The following TP53BP1 variants were observed in gnomAD, a reference collection of about 807,000 sequenced individuals.
The protein encoded by TP53BP1 is tumor protein p53 binding protein 1.
Under a neutral mutation model 200.8 loss-of-function variants are expected in TP53BP1, and 61 were observed. That is an observed-to-expected ratio of 0.30 (90% confidence interval 0.25 to 0.38). The LOEUF is 0.38. TP53BP1 is among the 10% of genes least tolerant of loss of function. The pLI is 1.00. For missense variants in TP53BP1, 2,144 were observed against 2,371.9 expected, an observed-to-expected ratio of 0.90 and a Z score of 2.00; for synonymous variants, 822 against 844.3, an observed-to-expected ratio of 0.97 and a Z score of 0.46.
chr15:43,490,252 G>A (rs994448449), intron 4 of TP53BP1, among the ~76,000 whole-genome samples: 1 of 152,012 alleles, frequency 6.6e-6, no homozygotes, highest in South Asian at 2.1e-4. Context: ...ACCACACCTC[G>A]TTAATTTTTG....
At chr15:43,496,693 C>T (rs186871230), upstream of TP53BP1, among the ~76,000 whole-genome samples, 1 of 151,152 alleles carries the variant, frequency 6.6e-6, no homozygotes, top group South Asian at 2.1e-4. Context: ...GTGTGATCTC[C>T]GCTTACGGCA....
chr15:43,450,802 T>C (rs569374952), intron 12 of TP53BP1, among the ~76,000 whole-genome samples: 1 of 152,216 alleles, frequency 6.6e-6, no homozygotes, highest in Admixed American at 6.5e-5. Flanking sequence ...ACTCCCTCTC[T>C]CCCCACACCC....
intron 1 of TP53BP1, among the ~76,000 whole-genome samples, chr15:43,503,205 A>G (rs1199250615): frequency 6.6e-6 from 1 of 152,286 alleles, no homozygotes; most frequent in East Asian, 1.9e-4. Flanking sequence ...AATCAAATAT[A>G]GAACATATCA....
At chr15:43,489,299 T>C (rs893410888) in intron 4 of TP53BP1, among the ~76,000 whole-genome samples, 1 of 152,202 alleles carries the variant, frequency 6.6e-6, no homozygotes, top group East Asian at 1.9e-4. Flanking sequence ...TTATTTAACA[T>C]GAAAAGAAGT....
intron 12 of TP53BP1, among the ~76,000 whole-genome samples, chr15:43,449,828 C>G (rs748761009): frequency 6.6e-6 from 1 of 152,200 alleles, no homozygotes; most frequent in Non-Finnish European, 1.5e-5. Flanking sequence ...CAGCCTATAT[C>G]TCCAGTTTTT....
intron 24 of TP53BP1, chr15:43,412,748 A>G: frequency 2.1e-6 from 1 of 472,740 alleles, no homozygotes; most frequent in Non-Finnish European, 4.4e-6. Flanking sequence ...GACCTGATTG[A>G]CTTGGATGGT....
chr15:43,415,365 C>A, intron 23 of TP53BP1: 2 of 635,402 alleles, frequency 3.1e-6, no homozygotes, highest in Non-Finnish European at 5.8e-6. Context: ...CCCGCCACCA[C>A]ACTCAGCTAA....
chr15:43,481,106 A>G (rs1595613415), intron 4 of TP53BP1, 84 bp from the exon 5 acceptor site: 1 of 1,526,852 alleles, frequency 6.5e-7, no homozygotes, highest in East Asian at 2.3e-5. Context: ...AACACATACC[A>G]ACCATCTCTT....
At position 43,446,475 on chromosome 15, in the gene TP53BP1, T is replaced by TG; in HGVS notation, c.2951dup (p.Asp985ArgfsTer4). ...TTAGACATAATTTATCATCCACGTC[T>TG]GGGGCAGCCCCAGAATCCCCTTTTC... On this transcript the variant is annotated frameshift_variant, in exon 14 of 28. Transcript: ENST00000382044. 6.2e-7 allele frequency: 1 copy of TG among 1,614,212 alleles called. No homozygotes were observed. The highest frequency in any genetic ancestry group is 8.5e-7 in the Non-Finnish European group (1 of 1,180,038).
At chr15:43,477,901 G>A in intron 7 of TP53BP1, 142 bp from the exon 8 acceptor site, 1 of 604,252 alleles carries the variant, frequency 1.7e-6, no homozygotes, top group Non-Finnish European at 2.7e-6. Flanking sequence ...TATTAAAAAG[G>A]AAATAAACTA....
chr15:43,469,190 C>A (rs1018810234), intron 11 of TP53BP1, among the ~76,000 whole-genome samples: 2 of 152,026 alleles, frequency 1.3e-5, no homozygotes, highest in African/African-American at 4.8e-5. Context: ...AATTTCATTT[C>A]TTTAAATATT....
chr15:43,456,458 C>A lies in TP53BP1; in HGVS notation c.2150G>T (p.Cys717Phe). 1.3e-6 allele frequency: 2 copies of A among 1,568,120 alleles called. No individual in the cohort carries two copies. Among genetic ancestry groups the A allele is most frequent in the Non-Finnish European group, 1.7e-6 (2 of 1,162,372 alleles). The stretch of plus-strand genomic sequence containing the variant: ...GGTTTCAACTTCCATAGCTTCTGAG[C>A]ATTCTTTTTTTGGCATTTCCTTTTG... The part of the protein sequence containing the change: ...CLQKEMPKKE[C>F]SEAMEVETSV... Residue 717 changes from cysteine to phenylalanine, a missense_variant, in exon 12 of 28, where the codon TGC becomes TTC. This residue lies in a region of TP53BP1 where 1,700 missense variants were observed against 1,710.3 expected (regional missense o/e 0.99). Transcript: ENST00000382044.
At chr15:43,427,970 AAAAG>A (rs768893730) in intron 18 of TP53BP1, 42 bp downstream of exon 18, 69 of 1,407,182 alleles carry the variant, frequency 4.9e-5, no homozygotes, top group Admixed American at 2.7e-4. Context: ...AAAAAAAAAA[AAAAG>A]AAAGAAAGAA....
At chr15:43,431,963 A>G (rs1247919140) in intron 17 of TP53BP1, among the ~76,000 whole-genome samples, 1 of 152,216 alleles carries the variant, frequency 6.6e-6, no homozygotes, top group Non-Finnish European at 1.5e-5. Flanking sequence ...AGACCTACCT[A>G]AAAAACTGTA....
chr15:43,440,997 C>T (rs1199340731), intron 15 of TP53BP1, among the ~76,000 whole-genome samples: 1 of 152,196 alleles, frequency 6.6e-6, no homozygotes, highest in African/African-American at 2.4e-5. Flanking sequence ...ATTCTCACAG[C>T]CACCAGATGG....
At chr15:43,422,856 G>C (rs542559513) in intron 18 of TP53BP1, among the ~76,000 whole-genome samples, 28 of 151,788 alleles carry the variant, frequency 1.8e-4, no homozygotes, top group Admixed American at 3.9e-4. Flanking sequence ...TTAGCCAGGC[G>C]TGGGAGTGCA....
At position 43,405,196 on chromosome 15, in the gene TP53BP1, T is replaced by G. The variant is rs987872971; in HGVS notation, c.*2187A>C. The G allele has an allele frequency of 6.2e-7, 1 of 1,614,024 alleles. No individual in the cohort carries two copies. Among genetic ancestry groups the G allele is most frequent in the Admixed American group, 1.7e-5 (1 of 60,004 alleles). On this transcript the variant is annotated 3_prime_UTR_variant, in exon 28 of 28. Transcript: ENST00000382044. ...CACTTAATAAGGCTCTTTTTCTCTT[T>G]TGTAGTTTCGGGATGTGAAAATTTC...
chr15:43,482,178 G>A (rs537783146), intron 4 of TP53BP1, among the ~76,000 whole-genome samples: 2 of 151,960 alleles, frequency 1.3e-5, no homozygotes, highest in South Asian at 2.1e-4. Context: ...GCAGTGAGCC[G>A]AGATCGCGCC....
At chr15:43,507,404 G>A in intron 1 of TP53BP1, among the ~76,000 whole-genome samples, 1 of 152,128 alleles carries the variant, frequency 6.6e-6, no homozygotes, top group East Asian at 1.9e-4. Flanking sequence ...CAAAGTGTTG[G>A]GATTACAGGC....
Sources: allele counts gnomAD v4.1 joint callset (sites outside exome capture counted in the v4.1 genomes callset), GRCh38; gene constraint gnomAD v4.1.1; regional missense constraint gnomAD v4.1.1; transcripts MANE v1.5; gene names NCBI Gene and HGNC (gene_info 2026-07-23, HGNC 2026-07-21).